A4GALT: variants seen among roughly 807,000 people sequenced by gnomAD.
A4GALT encodes alpha 1,4-galactosyltransferase (P1PK blood group).
For missense variants in A4GALT, 512 were observed against 486.0 expected (o/e 1.05, Z -0.50); for synonymous variants, 257 against 220.7 (o/e 1.16, Z -1.46).
At chr22:42,709,717 G>A (rs561391804) in intron 1 of A4GALT, among the ~76,000 whole-genome samples, 2 of 152,202 alleles carry the variant, frequency 1.3e-5, no homozygotes, top group Admixed American at 6.5e-5. Context: ...TTGAGCTTGC[G>A]AGGGACAGGT....
intron 1 of A4GALT, chr22:42,718,149 A>G (rs953340325): frequency 7.2e-5 from 11 of 152,280 alleles, no homozygotes; most frequent in African/African-American, 1.9e-4. Flanking sequence ...AAATGCAAGC[A>G]TTGAAAAATA....
chr22:42,702,380 G>A lies in A4GALT; in HGVS notation c.-187-6749C>T, dbSNP rs971995094. Among the ~76,000 whole-genome samples the A allele has an allele frequency of 3.4e-5, 5 of 145,020 alleles. No individual in the cohort carries two copies. The East Asian group carries it at 1.0e-3, about 29-fold the overall frequency. On this transcript the variant is annotated intron_variant, in intron 1 of 2. Transcript: ENST00000642412. ...TTCACAGATGGAGTCTTGCTCTGTC[G>A]CCCAGGCTGGAGTGCAGTGGTGCGA...
At position 42,693,060 on chromosome 22, in the gene A4GALT, C is replaced by A. The variant is rs200414851; in HGVS notation, c.892G>T (p.Asp298Tyr). The A allele has an allele frequency of 8.5e-5, 137 of 1,612,682 alleles. 1 individual carries two copies. In the East Asian group the frequency reaches 2.1e-3, roughly 24 times the overall value. The stretch of plus-strand genomic sequence containing the variant: ...CGCGGCAGCTCCTCGGGGTTGATGT[C>A]CTCAAAGTACTTCTTCCAGTCCTGC... ...PWQDWKKYFE[D>Y]INPEELPRLL... Residue 298 changes from aspartate to tyrosine, a missense_variant, in exon 3 of 3, where the codon GAC becomes TAC. Asp to Tyr is a radical substitution (Grantham distance 160). Transcript: ENST00000642412.
chr22:42,704,105 A>G (rs551023614), intron 1 of A4GALT, among the ~76,000 whole-genome samples: 1 of 152,104 alleles, frequency 6.6e-6, no homozygotes, highest in Non-Finnish European at 1.5e-5. Context: ...CTAGCCCCAC[A>G]ATCTTTCAAG....
intron 1 of A4GALT, among the ~76,000 whole-genome samples, chr22:42,704,022 C>T (rs1005134764): frequency 1.3e-5 from 2 of 152,142 alleles, no homozygotes; most frequent in African/African-American, 4.8e-5. Context: ...ACTCAGACCC[C>T]CCTTGATGTG....
At chr22:42,709,720 G>A (rs1413767626) in intron 1 of A4GALT, among the ~76,000 whole-genome samples, 2 of 152,030 alleles carry the variant, frequency 1.3e-5, no homozygotes, top group Admixed American at 1.3e-4. Context: ...AGCTTGCGAG[G>A]GACAGGTTGC....
chr22:42,699,427 A>G (rs139162763), intron 1 of A4GALT, among the ~76,000 whole-genome samples: 1 of 151,950 alleles, frequency 6.6e-6, no homozygotes, highest in East Asian at 1.9e-4. Flanking sequence ...TGCACTGCGG[A>G]CTCATCCTGA....
At chr22:42,709,048 A>AATATATATATATATAT (rs149743579) in intron 1 of A4GALT, among the ~76,000 whole-genome samples, 5 of 131,192 alleles carry the variant, frequency 3.8e-5, no homozygotes, top group Non-Finnish European at 3.2e-5. Context: ...GGAAAATTTA[A>AATATATATATATATAT]ATATATATAT....
At position 42,693,051 on chromosome 22, in the gene A4GALT, G is replaced by A. The variant is rs1569023545; in HGVS notation, c.901C>T (p.Pro301Ser). ...CTGAGCAGCCGCGGCAGCTCCTCGG[G>A]GTTGATGTCCTCAAAGTACTTCTTC... ...DWKKYFEDIN[P>S]EELPRLLSAT... The change falls in exon 3 of 3, where the codon CCC becomes TCC. Residue 301 changes from proline to serine, a missense_variant. Transcript: ENST00000642412. 1.2e-6 allele frequency: 2 copies of A among 1,612,660 alleles called. No individual in the cohort carries two copies. The highest frequency in any genetic ancestry group is 8.5e-7 in the Non-Finnish European group (1 of 1,179,076).
At chr22:42,702,616 C>T (rs925675697) in intron 1 of A4GALT, among the ~76,000 whole-genome samples, 2 of 152,140 alleles carry the variant, frequency 1.3e-5, no homozygotes, top group Admixed American at 6.5e-5. Flanking sequence ...GGATTACAGG[C>T]GTGAGCCGCC....
At chr22:42,697,431 C>T (rs997215842) in intron 1 of A4GALT, among the ~76,000 whole-genome samples, 13 of 152,078 alleles carry the variant, frequency 8.5e-5, no homozygotes, top group African/African-American at 3.1e-4. Context: ...TACTTTTAAC[C>T]CCATGTGAAC....
intron 1 of A4GALT, among the ~76,000 whole-genome samples, chr22:42,719,451 A>G (rs142737388): frequency 6.6e-6 from 1 of 152,266 alleles, no homozygotes; most frequent in East Asian, 1.9e-4. Flanking sequence ...GGAGACCCTA[A>G]AAAACAAACA....
At position 42,703,057 on chromosome 22, in the gene A4GALT, C is replaced by CTGTGTGTGTGTG. The variant is rs71311456; in HGVS notation, c.-187-7438_-187-7427dup. On this transcript the variant is annotated intron_variant, in intron 1 of 2. Transcript: ENST00000642412. ...GCCTTGGCTGGCACATGCTGCCCTG[C>CTGTGTGTGTGTG]TGTGTGTGTGTGTGTGTGTGTGTGT... 2.9e-4 allele frequency among the ~76,000 whole-genome samples: 39 copies of CTGTGTGTGTGTG among 134,416 alleles called. 1 individual carries two copies. The highest frequency in any genetic ancestry group is 1.3e-3 in the African/African-American group (39 of 31,030). The allele number at this position is 134,416 out of a possible 152,430, so 88.2% of individuals were successfully genotyped here.
chr22:42,695,667 G>T (rs1322689620), intron 1 of A4GALT, 36 bp from the exon 2 acceptor site: 1 of 152,184 alleles, frequency 6.6e-6, no homozygotes, highest in Admixed American at 6.5e-5. Flanking sequence ...GAAACAGGTC[G>T]CTGGCTCTCA....
At chr22:42,711,831 C>G (rs9620086) in intron 1 of A4GALT, among the ~76,000 whole-genome samples, 41,710 of 151,790 alleles carry the variant, frequency 0.27, 6,105 homozygotes, top group East Asian at 0.61. Flanking sequence ...CCATGTTGGC[C>G]GGGCTGGTCT....
intron 1 of A4GALT, among the ~76,000 whole-genome samples, chr22:42,707,551 G>C (rs146601446): frequency 1.2e-4 from 18 of 152,154 alleles, no homozygotes; most frequent in Non-Finnish European, 2.2e-4. Context: ...CAGCTACCTC[G>C]GGAGGCTGAG....
At chr22:42,712,873 G>A (rs1326631611) in intron 1 of A4GALT, among the ~76,000 whole-genome samples, 1 of 152,140 alleles carries the variant, frequency 6.6e-6, no homozygotes, top group East Asian at 1.9e-4. Context: ...ACTCCAGCCT[G>A]GGCGACAGAG....
intron 1 of A4GALT, among the ~76,000 whole-genome samples, chr22:42,696,926 C>T (rs1436817133): frequency 6.6e-6 from 1 of 151,620 alleles, no homozygotes; most frequent in Non-Finnish European, 1.5e-5. Context: ...AGTCCCCTTC[C>T]CACCAGGTCC....
At chr22:42,717,713 C>G (rs1004523295) in intron 1 of A4GALT, among the ~76,000 whole-genome samples, 1 of 152,196 alleles carries the variant, frequency 6.6e-6, no homozygotes, top group South Asian at 2.1e-4. Context: ...AAACAAAAAA[C>G]TTGCTGCTCC....
Sources: gnomAD v4.1 joint callset for allele counts (sites outside exome capture counted in the v4.1 genomes callset) on GRCh38, gnomAD v4.1.1 for gene constraint, MANE v1.5 for transcripts, NCBI Gene and HGNC (gene_info 2026-07-23, HGNC 2026-07-21) for gene names.